Variants in PTN observed in about 807,000 individuals in gnomAD.
PTN encodes heparin affin regulatory protein.
A neutral mutation model predicts 24.1 loss-of-function variants in PTN; 18 were observed. The observed-to-expected ratio is 0.75, with a 90% CI of 0.52 to 1.11. The LOEUF is 1.11. Among genes scored for constraint, PTN ranks in the 50% least tolerant of loss-of-function variants. PTN has a pLI of 0.00. For synonymous variants in PTN, 78 were observed against 68.6 expected, an observed-to-expected ratio of 1.14 and a Z score of -0.67; for missense variants, 163 against 198.8, an observed-to-expected ratio of 0.82 and a Z score of 1.08.
chr7:137,258,322 A>G (rs1005338953), intron 1 of PTN, among the ~76,000 whole-genome samples: 1 of 152,210 alleles, frequency 6.6e-6, no homozygotes, highest in African/African-American at 2.4e-5. Flanking sequence ...TTAATTTAGA[A>G]TAATTAAGAA....
intron 1 of PTN, among the ~76,000 whole-genome samples, chr7:137,304,048 C>G (rs1188184949): frequency 6.6e-6 from 1 of 151,968 alleles, no homozygotes; most frequent in Non-Finnish European, 1.5e-5. Flanking sequence ...TACTTCAAGT[C>G]CAACCCTTGG....
chr7:137,288,593 T>C (rs1301996254), intron 1 of PTN, among the ~76,000 whole-genome samples: 1 of 152,190 alleles, frequency 6.6e-6, no homozygotes, highest in Non-Finnish European at 1.5e-5. Flanking sequence ...AATTTAGCAT[T>C]GGGACCTTAA....
intron 1 of PTN, among the ~76,000 whole-genome samples, chr7:137,258,729 C>T (rs905014943): frequency 7.9e-5 from 12 of 151,976 alleles, no homozygotes; most frequent in Admixed American, 6.6e-4. Context: ...TAACAGTTGC[C>T]CTTGCTTGTG....
In PTN at chr7:137,227,518, C is replaced by T. The variant is rs1808353492; in HGVS notation, c.*502G>A. 2 of 150,686 alleles carry T rather than the reference C, an allele frequency of 1.3e-5. No individual in the cohort carries two copies. The highest frequency in any genetic ancestry group is 4.2e-4 in the South Asian group (2 of 4,776). The allele number at this position is 150,686 out of a possible 1,614,324, so 9.3% of individuals were successfully genotyped here. On this transcript the variant is annotated 3_prime_UTR_variant, in exon 5 of 5. Coordinates refer to ENST00000348225, the MANE Select transcript of PTN (RefSeq NM_002825.7). ...CTAGGACATGCTCTGCTTCCCCACC[C>T]CCATTTTGCTGACTACATTTTAAAA...
intron 1 of PTN, among the ~76,000 whole-genome samples, chr7:137,266,455 G>A (rs991678138): frequency 3.3e-5 from 5 of 151,588 alleles, no homozygotes; most frequent in African/African-American, 1.2e-4. Context: ...AACATTTTTT[G>A]CATAAATTTT....
In PTN at chr7:137,227,993, C is replaced by T; in HGVS notation, c.*27G>A. The T allele has an allele frequency of 6.2e-7, 1 of 1,602,386 alleles. No homozygotes were observed. Among genetic ancestry groups the T allele is most frequent in the East Asian group, 2.2e-5 (1 of 44,566 alleles). On this transcript the variant is annotated 3_prime_UTR_variant, in exon 5 of 5. Coordinates refer to ENST00000348225, the MANE Select transcript of PTN (RefSeq NM_002825.7). ...TTAACTGATCCTGTTTGCTGATGTC[C>T]TTTTTATGTTCCACAGGTGACATCT...
chr7:137,268,291 C>T (rs1809198929), intron 1 of PTN, among the ~76,000 whole-genome samples: 1 of 152,110 alleles, frequency 6.6e-6, no homozygotes, highest in African/African-American at 2.4e-5. Context: ...GCTAAAGCCG[C>T]TTAAGAAGCT....
chr7:137,293,310 A>G (rs1585032590), intron 1 of PTN, among the ~76,000 whole-genome samples: 1 of 152,280 alleles, frequency 6.6e-6, no homozygotes, highest in East Asian at 1.9e-4. Context: ...GGGATGAGAC[A>G]CAGGTGATTG....
At chr7:137,280,143 G>A (rs1337113300) in intron 1 of PTN, among the ~76,000 whole-genome samples, 1 of 152,092 alleles carries the variant, frequency 6.6e-6, no homozygotes, top group Non-Finnish European at 1.5e-5. Flanking sequence ...TCTGACATAT[G>A]TTAAATGTGA....
At chr7:137,260,450 T>G (rs551464711) in intron 1 of PTN, among the ~76,000 whole-genome samples, 44 of 152,158 alleles carry the variant, frequency 2.9e-4, no homozygotes, top group Non-Finnish European at 5.9e-4. Context: ...CATATAGTAA[T>G]TATTTATTTG....
At chr7:137,245,392 C>A (rs1808705704) in intron 4 of PTN, among the ~76,000 whole-genome samples, 1 of 152,166 alleles carries the variant, frequency 6.6e-6, no homozygotes, top group Non-Finnish European at 1.5e-5. Flanking sequence ...GAATTCCTAT[C>A]ACTGATTAAC....
At chr7:137,299,025 T>C (rs1190225082) in intron 1 of PTN, among the ~76,000 whole-genome samples, 1 of 151,900 alleles carries the variant, frequency 6.6e-6, no homozygotes, top group Non-Finnish European at 1.5e-5. Flanking sequence ...AAATATTCGT[T>C]ACCCCTGGGG....
chr7:137,326,408 A>G (rs1039233032), intron 1 of PTN: 1 of 152,252 alleles, frequency 6.6e-6, no homozygotes, highest in South Asian at 2.1e-4. Context: ...CTCACCTCCC[A>G]TTATAATGTC....
At chr7:137,269,795 G>A (rs1189000996) in intron 1 of PTN, among the ~76,000 whole-genome samples, 1 of 151,764 alleles carries the variant, frequency 6.6e-6, no homozygotes, top group Non-Finnish European at 1.5e-5. Flanking sequence ...ACCCTGCCCG[G>A]CTAATTTTTG....
chr7:137,310,537 A>G (rs555844729), intron 1 of PTN, among the ~76,000 whole-genome samples: 13 of 151,868 alleles, frequency 8.6e-5, no homozygotes, highest in African/African-American at 2.9e-4. Context: ...AGCTGGGATT[A>G]CAGGCATGCG....
At position 137,251,241 on chromosome 7, in the gene PTN, G is replaced by A. The variant is rs1407081921; in HGVS notation, c.440C>T (p.Pro147Leu). 1.9e-6 allele frequency: 3 copies of A among 1,613,956 alleles called. No homozygotes were observed. Among genetic ancestry groups the A allele is most frequent in the Admixed American group, 3.3e-5 (2 of 59,990 alleles). Residue 147 changes from proline (P) to leucine (L), a missense_variant, in exon 4 of 5, where the codon CCC (proline) becomes CTC (leucine). Physicochemically the swap from Pro to Leu is moderately conservative, Grantham distance 98. Coordinates refer to ENST00000348225, the MANE Select transcript of PTN (RefSeq NM_002825.7). ...ISKPCGKLTK[P>L]KPQAESKKKK... ...TGGCAAGGACTTACCTTGAGGTTTG[G>A]GCTTGGTCAGTTTGCCACAGGGCTT...
At chr7:137,304,832 C>G (rs1023481073) in intron 1 of PTN, among the ~76,000 whole-genome samples, 1 of 151,950 alleles carries the variant, frequency 6.6e-6, no homozygotes. Flanking sequence ...ATCCTGGTGG[C>G]GCTGTTTGGG....
intron 1 of PTN, among the ~76,000 whole-genome samples, chr7:137,285,146 A>C (rs1210982293): frequency 1.3e-5 from 2 of 152,210 alleles, no homozygotes; most frequent in Non-Finnish European, 2.9e-5. Context: ...AATTGGTAGA[A>C]AGTTCTTCCT....
chr7:137,313,062 A>C (rs1347689315), intron 1 of PTN, among the ~76,000 whole-genome samples: 1 of 79,310 alleles, frequency 1.3e-5, no homozygotes, highest in Non-Finnish European at 2.5e-5. Flanking sequence ...AGATTCCTTT[A>C]TCTTCCTTCT....
Sources: allele counts gnomAD v4.1 joint callset (sites outside exome capture counted in the v4.1 genomes callset), GRCh38; gene constraint gnomAD v4.1.1; transcripts MANE v1.5; gene names NCBI Gene and HGNC (gene_info 2026-07-23, HGNC 2026-07-21).